Variants in EBF1 observed in about 807,000 individuals in gnomAD.
The protein encoded by EBF1 is EBF transcription factor 1, also known as transcription factor COE1.
EBF1 carries 10 observed loss-of-function variants against 68.4 expected under a neutral mutation model. The ratio of observed to expected loss-of-function variants is 0.15; its 90% confidence interval spans 0.09 to 0.25. The LOEUF (loss-of-function observed/expected upper bound fraction) is 0.25. Ranked by LOEUF, EBF1 falls within the 10% of genes least tolerant of loss-of-function variation. EBF1 has a pLI of 1.00. For missense variants in EBF1, 509 were observed against 794.4 expected, an observed-to-expected ratio of 0.64 and a Z score of 4.32; for synonymous variants, 298 against 299.8, an observed-to-expected ratio of 0.99 and a Z score of 0.06.
At chr5:158,931,207 A>G (rs368824914) in intron 6 of EBF1, among the ~76,000 whole-genome samples, 10 of 152,182 alleles carry the variant, frequency 6.6e-5, no homozygotes, top group East Asian at 5.8e-4. Flanking sequence ...ATTCTGACCC[A>G]TCACATTTTA....
chr5:158,899,634 G>A (rs985478772), intron 6 of EBF1, among the ~76,000 whole-genome samples: 6 of 152,174 alleles, frequency 3.9e-5, no homozygotes, highest in African/African-American at 9.7e-5. Flanking sequence ...ATAATGTAAC[G>A]ACCAATGCAA....
At chr5:158,993,568 G>A (rs912085760) in intron 6 of EBF1, among the ~76,000 whole-genome samples, 2 of 152,264 alleles carry the variant, frequency 1.3e-5, no homozygotes, top group Non-Finnish European at 2.9e-5. Context: ...ATAAATATTT[G>A]GAGTTAGACA....
At chr5:158,966,498 T>C (rs1309817948) in intron 6 of EBF1, among the ~76,000 whole-genome samples, 1 of 152,156 alleles carries the variant, frequency 6.6e-6, no homozygotes, top group Admixed American at 6.6e-5. Flanking sequence ...GGGCAATAGA[T>C]GGCAAAACCA....
At chr5:159,005,634 G>A (rs1763405626) in intron 6 of EBF1, among the ~76,000 whole-genome samples, 1 of 152,068 alleles carries the variant, frequency 6.6e-6, no homozygotes, top group South Asian at 2.1e-4. Context: ...TATCAGAGTT[G>A]TACATGCTTT....
At chr5:159,073,316 C>T in intron 6 of EBF1, 80 bp downstream of exon 6, 1 of 1,474,020 alleles carries the variant, frequency 6.8e-7, no homozygotes, top group Non-Finnish European at 9.5e-7. Flanking sequence ...CATTCCTAAC[C>T]CTCGCCCATG....
At chr5:158,855,638 C>T (rs1251205573) in intron 6 of EBF1, among the ~76,000 whole-genome samples, 2 of 152,228 alleles carry the variant, frequency 1.3e-5, no homozygotes, top group South Asian at 2.1e-4. Flanking sequence ...TCCCCATCAT[C>T]GTCATACCCA....
chr5:158,977,844 C>G (rs562221825), intron 6 of EBF1, among the ~76,000 whole-genome samples: 1 of 152,104 alleles, frequency 6.6e-6, no homozygotes, highest in Admixed American at 6.5e-5. Flanking sequence ...GGCCTCAACC[C>G]GCCCTGCCTT....
At chr5:159,070,024 A>C (rs533817008) in intron 6 of EBF1, among the ~76,000 whole-genome samples, 1 of 152,282 alleles carries the variant, frequency 6.6e-6, no homozygotes, top group East Asian at 1.9e-4. Flanking sequence ...AATAACTGGA[A>C]GTCATTTTTT....
chr5:158,888,866 C>A (rs139841600), intron 6 of EBF1, among the ~76,000 whole-genome samples: 2 of 152,148 alleles, frequency 1.3e-5, no homozygotes, highest in Admixed American at 6.5e-5. Flanking sequence ...CATCTTCCCA[C>A]CAGATTTTCC....
chr5:158,890,838 A>G (rs1182844879), intron 6 of EBF1, among the ~76,000 whole-genome samples: 1 of 152,182 alleles, frequency 6.6e-6, no homozygotes, highest in Non-Finnish European at 1.5e-5. Flanking sequence ...ATCAGCTTTG[A>G]TGGTATTAGT....
chr5:158,777,300 C>T, intron 10 of EBF1, 113 bp downstream of exon 10: 1 of 1,206,774 alleles, frequency 8.3e-7, no homozygotes, highest in East Asian at 2.8e-5. Context: ...AGAAAGAAAG[C>T]AGGCTTTAAC....
intron 15 of EBF1, among the ~76,000 whole-genome samples, chr5:158,700,345 C>T (rs536545422): frequency 3.9e-5 from 6 of 152,344 alleles, no homozygotes; most frequent in African/African-American, 4.8e-5. Flanking sequence ...AAGCAAGGGG[C>T]AGCCGTCTTT....
intron 5 of EBF1, among the ~76,000 whole-genome samples, chr5:159,075,732 T>C (rs954454334): frequency 6.6e-6 from 1 of 152,172 alleles, no homozygotes; most frequent in African/African-American, 2.4e-5. Flanking sequence ...TTTAATGGCT[T>C]CCCACTGCAC....
intron 11 of EBF1, among the ~76,000 whole-genome samples, chr5:158,722,222 T>C (rs1762069306): frequency 6.6e-6 from 1 of 152,100 alleles, no homozygotes; most frequent in South Asian, 2.1e-4. Flanking sequence ...TTTTCAGGGG[T>C]AGGTTGTAAA....
chr5:158,808,870 C>T (rs1254561283), intron 8 of EBF1, among the ~76,000 whole-genome samples: 1 of 152,062 alleles, frequency 6.6e-6, no homozygotes, highest in East Asian at 1.9e-4. Context: ...AAAGATATAC[C>T]ACTTACTTCC....
Position 159,099,409 on chromosome 5 carries a change from T to G in EBF1, c.70A>C (p.Met24Leu), listed in dbSNP as rs1468900352. The G allele has an allele frequency of 6.2e-7, 1 of 1,602,296 alleles. No homozygotes were observed. The highest frequency in any genetic ancestry group is 1.4e-5 in the African/African-American group (1 of 73,526). Residue 24 changes from methionine to leucine, a missense_variant, in exon 1 of 16, where the codon ATG becomes CTG. Physicochemically the swap from Met to Leu is conservative, Grantham distance 15. This residue lies in a region of EBF1 where 74 missense variants were observed against 79.4 expected (regional missense o/e 0.93). Transcript: ENST00000313708. ...SMKEEPLGSG[M>L]NAVRTWMQGA... ...TGCATCCACGTCCGCACCGCGTTCA[T>G]GCCGCTGCCCAGCGGCTCTTCCTTC... is the stretch of plus-strand genomic sequence containing the variant.
At chr5:158,862,170 G>A (rs1463728899) in intron 6 of EBF1, among the ~76,000 whole-genome samples, 1 of 152,048 alleles carries the variant, frequency 6.6e-6, no homozygotes, top group Non-Finnish European at 1.5e-5. Context: ...GAATTTCTGA[G>A]TCAAAGGTGG....
intron 6 of EBF1, among the ~76,000 whole-genome samples, chr5:158,900,243 A>G (rs1415154774): frequency 6.6e-6 from 1 of 152,190 alleles, no homozygotes; most frequent in Admixed American, 6.5e-5. Flanking sequence ...TCCAAGAGGC[A>G]TATGTGAATG....
At chr5:158,955,843 A>G (rs1373087505) in intron 6 of EBF1, among the ~76,000 whole-genome samples, 1 of 152,210 alleles carries the variant, frequency 6.6e-6, no homozygotes, top group Non-Finnish European at 1.5e-5. Context: ...AAGATGCTGC[A>G]GGTTCAGCCA....
Sources: gnomAD v4.1 joint callset for allele counts (sites outside exome capture counted in the v4.1 genomes callset) on GRCh38, gnomAD v4.1.1 for gene constraint, gnomAD v4.1.1 regional missense constraint, MANE v1.5 for transcripts, NCBI Gene and HGNC (gene_info 2026-07-23, HGNC 2026-07-21) for gene names.